TACC2: variants seen among roughly 807,000 people sequenced by gnomAD.
TACC2 encodes the protein transforming acidic coiled-coil containing protein 2, also known as transforming acidic coiled-coil-containing protein 2.
A neutral mutation model predicts 227.3 loss-of-function variants in TACC2; 137 were observed. That is an observed-to-expected ratio of 0.60 (90% CI 0.52 to 0.69). The LOEUF (loss-of-function observed/expected upper bound fraction) is 0.69, where lower values mean the gene tolerates loss of function less well. Among genes scored for constraint, TACC2 ranks in the 30% least tolerant of loss-of-function variants. The probability of loss-of-function intolerance (pLI) is 0.00; values close to 1 mark genes in which losing one functional copy is unlikely to be tolerated. For synonymous variants in TACC2, 1,523 were observed against 1,487.5 expected (o/e 1.02, Z -0.55); for missense variants, 3,470 against 3,694.4 (o/e 0.94, Z 1.57).
At chr10:122,020,045 CTGTT>C (rs1249041351) in intron 1 of TACC2, among the ~76,000 whole-genome samples, 3 of 152,226 alleles carry the variant, frequency 2.0e-5, no homozygotes, top group South Asian at 4.2e-4. Flanking sequence ...TCTCTTTAGT[CTGTT>C]TGTTTAAAAA....
intron 7 of TACC2, among the ~76,000 whole-genome samples, chr10:122,155,720 A>G (rs2092416172): frequency 1.3e-5 from 2 of 152,176 alleles, no homozygotes; most frequent in African/African-American, 4.8e-5. Flanking sequence ...ACAGTTTATA[A>G]AGGTAGTTAC....
chr10:122,206,943 G>A (rs1411811990), intron 8 of TACC2, among the ~76,000 whole-genome samples: 1 of 152,226 alleles, frequency 6.6e-6, no homozygotes, highest in Non-Finnish European at 1.5e-5. Flanking sequence ...GAATCACACA[G>A]TTGATTGTGT....
At chr10:122,110,200 C>T (rs2083424195) in intron 5 of TACC2, among the ~76,000 whole-genome samples, 1 of 152,156 alleles carries the variant, frequency 6.6e-6, no homozygotes, top group South Asian at 2.1e-4. Flanking sequence ...AAAGATTCAG[C>T]CATGGATGCA....
chr10:122,126,759 T>TTTTTC (rs1198647819), intron 5 of TACC2: 2 of 152,158 alleles, frequency 1.3e-5, no homozygotes, highest in Non-Finnish European at 2.9e-5. Context: ...CTTTGCTTGA[T>TTTTTC]TCAGCTATTC....
At chr10:122,119,028 T>A (rs1418391738) in intron 5 of TACC2, among the ~76,000 whole-genome samples, 1 of 152,228 alleles carries the variant, frequency 6.6e-6, no homozygotes, top group African/African-American at 2.4e-5. Flanking sequence ...CATTTTTAAG[T>A]GTACAGTTTG....
chr10:122,218,711 AG>A (rs1229446337), intron 11 of TACC2, among the ~76,000 whole-genome samples: 1 of 152,060 alleles, frequency 6.6e-6, no homozygotes, highest in Non-Finnish European at 1.5e-5. Context: ...GGGGTTTGAG[AG>A]GTCCGAAAGT....
intron 7 of TACC2, among the ~76,000 whole-genome samples, chr10:122,185,927 A>G (rs1286343600): frequency 1.3e-5 from 2 of 151,982 alleles, no homozygotes; most frequent in Non-Finnish European, 2.9e-5. Flanking sequence ...TAAGTAACTC[A>G]TTTTCCTTTC....
chr10:122,224,625 A>G (rs2095587513), intron 11 of TACC2, 101 bp from the exon 12 acceptor site: 1 of 1,010,050 alleles, frequency 9.9e-7, no homozygotes, highest in Non-Finnish European at 1.5e-6. Flanking sequence ...GAGCCTTGTG[A>G]TAGCTCCCAC....
At chr10:122,006,716 T>C (rs1393895301) in intron 1 of TACC2, among the ~76,000 whole-genome samples, 1 of 152,146 alleles carries the variant, frequency 6.6e-6, no homozygotes, top group African/African-American at 2.4e-5. Flanking sequence ...TTTAGCTCTG[T>C]TCCACTGTTT....
Position 122,249,260 on chromosome 10 carries a change from G to A in TACC2, c.8660+104G>A, listed in dbSNP as rs1312626257. 34 of 846,946 alleles carry A rather than the reference G, an allele frequency of 4.0e-5. 1 individual carries two copies. In the East Asian group the frequency reaches 7.9e-4, roughly 20 times the overall value. The allele number at this position is 846,946 out of a possible 1,614,324, so 52.5% of individuals were successfully genotyped here. The stretch of plus-strand genomic sequence containing the variant: ...GCGCCTGTGACATTGGCTTGGAAAG[G>A]GGGCATCATCCAAGTGTGTGTTTCA... On this transcript the variant is annotated intron_variant, in intron 21 of 22. Coordinates refer to ENST00000369005, the MANE Select transcript of TACC2 (RefSeq NM_206862.4).
intron 1 of TACC2, among the ~76,000 whole-genome samples, chr10:122,014,272 TGA>T (rs1956293161): frequency 1.3e-5 from 2 of 150,510 alleles, no homozygotes; most frequent in African/African-American, 4.9e-5. Flanking sequence ...TGCAATGGCA[TGA>T]TCTTGGCTCA....
At position 122,209,413 on chromosome 10, in the gene TACC2, C is replaced by T. The variant is rs1181165956; in HGVS notation, c.5972-984C>T. Among the ~76,000 whole-genome samples, 1 of 152,184 alleles carries T rather than the reference C, an allele frequency of 6.6e-6. No homozygotes were observed. Among genetic ancestry groups the T allele is most frequent in the African/African-American group, 2.4e-5 (1 of 41,446 alleles). ...GCAGGATTTCTCTGTCTTCCTGTCCCACTCTTGACCCTTGCTTTAGCCACA... is the reference window on the plus strand; with the variant it reads ...GCAGGATTTCTCTGTCTTCCTGTCCTACTCTTGACCCTTGCTTTAGCCACA... On this transcript the variant is annotated intron_variant, in intron 8 of 22. Transcript: ENST00000369005. This position sits in a 1 kb window ranked among gnomAD's most constrained non-coding sequence, Gnocchi z 4.5.
chr10:122,073,669 G>A (rs563754468), intron 3 of TACC2, among the ~76,000 whole-genome samples: 1 of 152,286 alleles, frequency 6.6e-6, no homozygotes, highest in South Asian at 2.1e-4. Flanking sequence ...GTTGACTCAC[G>A]AGGCACAGTG....
At chr10:122,253,788 C>G (rs1248442269) in intron 22 of TACC2, among the ~76,000 whole-genome samples, 1 of 152,196 alleles carries the variant, frequency 6.6e-6, no homozygotes, top group African/African-American at 2.4e-5. Flanking sequence ...CACCAAGGCT[C>G]AGAGAGGTTG....
chr10:122,216,622 T>C lies in TACC2; in HGVS notation c.7345-5T>C, dbSNP rs2095412516. 1.2e-6 allele frequency: 2 copies of C among 1,613,112 alleles called. No homozygotes were observed. Among genetic ancestry groups the C allele is most frequent in the Non-Finnish European group, 1.7e-6 (2 of 1,179,562 alleles). Reference sequence around the variant, plus strand: ...GACAAGAAACAGTTTCTCTTCTCTTTGCAGGACCCCACCCCAGCTGCTACA... The same window carrying C: ...GACAAGAAACAGTTTCTCTTCTCTTCGCAGGACCCCACCCCAGCTGCTACA... On this transcript the variant is annotated splice_polypyrimidine_tract_variant and splice_region_variant and intron_variant, in intron 10 of 22. Coordinates refer to ENST00000369005, the MANE Select transcript of TACC2 (RefSeq NM_206862.4).
chr10:122,165,218 C>A (rs1429863089), intron 7 of TACC2, among the ~76,000 whole-genome samples: 1 of 152,128 alleles, frequency 6.6e-6, no homozygotes, highest in African/African-American at 2.4e-5. Context: ...TTCTCATGCA[C>A]GTGTAGTGTT....
chr10:122,124,867 A>G (rs950055013), intron 5 of TACC2, among the ~76,000 whole-genome samples: 3 of 152,118 alleles, frequency 2.0e-5, no homozygotes, highest in Admixed American at 1.3e-4. Flanking sequence ...ATATGTACCT[A>G]TATATCCATC....
chr10:122,002,832 TTG>T (rs1315911236), intron 1 of TACC2, among the ~76,000 whole-genome samples: 3 of 152,334 alleles, frequency 2.0e-5, no homozygotes, highest in African/African-American at 4.8e-5. Flanking sequence ...TCTTGTAATT[TTG>T]TGTGTTTGTG....
chr10:122,192,385 T>C (rs2094438888), intron 7 of TACC2: 1 of 279,188 alleles, frequency 3.6e-6, no homozygotes, highest in East Asian at 8.5e-5. Context: ...CGGCCCTCCC[T>C]GTTGCTTGCT....
Sources: gnomAD v4.1 joint callset for allele counts (sites outside exome capture counted in the v4.1 genomes callset) on GRCh38, gnomAD v4.1.1 for gene constraint, Gnocchi (gnomAD v3.1) non-coding constraint, MANE v1.5 for transcripts, NCBI Gene and HGNC (gene_info 2026-07-23, HGNC 2026-07-21) for gene names.